GPR39: variants seen among roughly 807,000 people sequenced by gnomAD.
The protein encoded by GPR39 is G protein-coupled receptor 39.
Under a neutral mutation model 18.4 loss-of-function variants are expected in GPR39, and 23 were observed. The ratio of observed to expected loss-of-function variants is 1.25; its 90% CI spans 0.90 to 1.77. The LOEUF (loss-of-function observed/expected upper bound fraction) is 1.77. Ranked by LOEUF, GPR39 falls within the 40% of genes most tolerant of loss-of-function variation. The pLI, the probability that GPR39 is intolerant of heterozygous loss-of-function variation, is 0.00. For missense variants in GPR39, 647 were observed against 602.4 expected (o/e 1.07, Z -0.78); for synonymous variants, 280 against 257.9 (o/e 1.09, Z -0.82).
intron 1 of GPR39, among the ~76,000 whole-genome samples, chr2:132,447,902 G>C (rs536219879): frequency 6.6e-6 from 1 of 152,266 alleles, no homozygotes; most frequent in South Asian, 2.1e-4. Flanking sequence ...ATTGTTTGCT[G>C]CAGTAAGGAA....
intron 1 of GPR39, among the ~76,000 whole-genome samples, chr2:132,495,012 T>A (rs1681612632): frequency 6.6e-6 from 1 of 152,220 alleles, no homozygotes; most frequent in Admixed American, 6.5e-5. Context: ...GGGGATGTGA[T>A]CCCCAGCCCT....
At chr2:132,463,532 C>T (rs1156871814) in intron 1 of GPR39, among the ~76,000 whole-genome samples, 2 of 150,790 alleles carry the variant, frequency 1.3e-5, no homozygotes, top group Non-Finnish European at 2.9e-5. Context: ...GTTTATGCAT[C>T]GATTTTGGTC....
chr2:132,449,811 T>A (rs982693566), intron 1 of GPR39, among the ~76,000 whole-genome samples: 1 of 152,142 alleles, frequency 6.6e-6, no homozygotes, highest in Non-Finnish European at 1.5e-5. Flanking sequence ...TATAAAGGAA[T>A]CTTGGAATTA....
intron 1 of GPR39, among the ~76,000 whole-genome samples, chr2:132,598,678 C>G (rs990999481): frequency 6.6e-6 from 1 of 151,982 alleles, no homozygotes; most frequent in Non-Finnish European, 1.5e-5. Flanking sequence ...CCACAAGCAT[C>G]CCAGTCCACC....
rs201633878 is a variant in GPR39 at position 132,645,404 on chromosome 2, T to G, written c.1160T>G (p.Phe387Cys). The G allele has an allele frequency of 2.0e-4, 322 of 1,613,508 alleles. 1 individual carries two copies. The highest frequency in any genetic ancestry group is 2.2e-4 in the Non-Finnish European group (264 of 1,180,002). The stretch of plus-strand genomic sequence containing the variant: ...CACTCCACCACCGACAGCGCCCGCT[T>G]TGTGCAGCGCCCGTTGCTCTTCGCG... ...HAHSTTDSAR[F>C]VQRPLLFASR... Residue 387 changes from phenylalanine (F) to cysteine (C), a missense_variant, in exon 2 of 2, where the codon TTT becomes TGT. Physicochemically the swap from Phe to Cys is radical, Grantham distance 205. Coordinates refer to ENST00000329321, the MANE Select transcript of GPR39 (RefSeq NM_001508.3).
At chr2:132,491,802 G>A (rs2104795773) in intron 1 of GPR39, among the ~76,000 whole-genome samples, 1 of 152,016 alleles carries the variant, frequency 6.6e-6, no homozygotes, top group South Asian at 2.1e-4. Flanking sequence ...TCCTTGCTGT[G>A]TGACCTCAGG....
intron 1 of GPR39, among the ~76,000 whole-genome samples, chr2:132,516,175 C>T (rs972593631): frequency 6.6e-6 from 1 of 152,090 alleles, no homozygotes; most frequent in South Asian, 2.1e-4. Context: ...AAATTCTCAG[C>T]GTCCTTGGCC....
At chr2:132,642,186 T>A (rs77154944) in intron 1 of GPR39, among the ~76,000 whole-genome samples, 1 of 152,228 alleles carries the variant, frequency 6.6e-6, no homozygotes, top group African/African-American at 2.4e-5. Flanking sequence ...GTGCACAATA[T>A]GAAAATCTCT....
intron 1 of GPR39, among the ~76,000 whole-genome samples, chr2:132,594,254 T>G (rs1356254303): frequency 6.6e-6 from 1 of 152,132 alleles, no homozygotes; most frequent in African/African-American, 2.4e-5. Context: ...CTGGGGCTGT[T>G]AGACACCATT....
rs72999294 is a variant in GPR39 at position 132,459,476 on chromosome 2, C to T, written c.856+41578C>T. 4.7e-3 allele frequency among the ~76,000 whole-genome samples: 712 copies of T among 152,336 alleles called. 8 individuals carry two copies. Among genetic ancestry groups the T allele is most frequent in the African/African-American group, 0.017 (692 of 41,576 alleles). ...CCCTGACCACCCATGCCTGAATCCT[C>T]ATTGTGCTCAGATTCCACACTGGGT... On this transcript the variant is annotated intron_variant, in intron 1 of 1. Coordinates refer to ENST00000329321, the MANE Select transcript of GPR39 (RefSeq NM_001508.3).
intron 1 of GPR39, among the ~76,000 whole-genome samples, chr2:132,431,222 C>T (rs1426954322): frequency 6.6e-6 from 1 of 152,188 alleles, no homozygotes; most frequent in Admixed American, 6.5e-5. Flanking sequence ...AGATCTCTGG[C>T]TGTGCTTCAG....
At chr2:132,435,684 A>G (rs1680304821) in intron 1 of GPR39, among the ~76,000 whole-genome samples, 1 of 152,190 alleles carries the variant, frequency 6.6e-6, no homozygotes, top group African/African-American at 2.4e-5. Flanking sequence ...AGGACTCAAG[A>G]GAACTTGGTT....
At chr2:132,426,212 C>CTGCTCAG (rs1316597589) in intron 1 of GPR39, among the ~76,000 whole-genome samples, 2 of 152,336 alleles carry the variant, frequency 1.3e-5, no homozygotes, top group East Asian at 1.9e-4. Flanking sequence ...TGTTGGTCAC[C>CTGCTCAG]TGCTCAGTGC....
intron 1 of GPR39, among the ~76,000 whole-genome samples, chr2:132,567,793 G>C (rs1195729493): frequency 6.6e-6 from 1 of 152,014 alleles, no homozygotes; most frequent in Non-Finnish European, 1.5e-5. Flanking sequence ...ACTGATACTT[G>C]GGCCTCACCA....
At chr2:132,484,211 G>T (rs1681289527) in intron 1 of GPR39, among the ~76,000 whole-genome samples, 1 of 152,212 alleles carries the variant, frequency 6.6e-6, no homozygotes, top group African/African-American at 2.4e-5. Context: ...GTTCTAATGA[G>T]CATGCCTATG....
intron 1 of GPR39, among the ~76,000 whole-genome samples, chr2:132,509,286 A>G (rs1313124676): frequency 1.3e-5 from 2 of 152,212 alleles, no homozygotes; most frequent in Admixed American, 1.3e-4. Context: ...TCAAAATAAT[A>G]TATGAGCATT....
At chr2:132,453,340 T>C (rs1434584432) in intron 1 of GPR39, among the ~76,000 whole-genome samples, 1 of 152,204 alleles carries the variant, frequency 6.6e-6, no homozygotes, top group East Asian at 1.9e-4. Flanking sequence ...TGTTTTTTAC[T>C]TGTAAATTTG....
chr2:132,622,041 G>C (rs979024732), intron 1 of GPR39, among the ~76,000 whole-genome samples: 1 of 152,164 alleles, frequency 6.6e-6, no homozygotes, highest in Non-Finnish European at 1.5e-5. Context: ...CTCCTGCTGA[G>C]GTGAGGGGTC....
chr2:132,640,603 T>C (rs1202313937), intron 1 of GPR39, among the ~76,000 whole-genome samples: 1 of 152,224 alleles, frequency 6.6e-6, no homozygotes, highest in Non-Finnish European at 1.5e-5. Context: ...GGGCTGCACA[T>C]TACACCACAC....
Sources: allele counts gnomAD v4.1 joint callset (sites outside exome capture counted in the v4.1 genomes callset), GRCh38; gene constraint gnomAD v4.1.1; transcripts MANE v1.5; gene names NCBI Gene and HGNC (gene_info 2026-07-23, HGNC 2026-07-21).